MBOAT1: variants seen among roughly 807,000 people sequenced by gnomAD.
MBOAT1 encodes the protein membrane bound glycerophospholipid O-acyltransferase 1.
A neutral mutation model predicts 64.4 loss-of-function variants in MBOAT1; 67 were observed. The ratio of observed to expected loss-of-function variants is 1.04; its 90% CI spans 0.85 to 1.27. MBOAT1 has a LOEUF of 1.27. MBOAT1 is among the 50% of genes most tolerant of loss of function. MBOAT1 has a pLI of 0.00. For synonymous variants in MBOAT1, 229 were observed against 218.9 expected (o/e 1.05, Z -0.41); for missense variants, 563 against 604.6 (o/e 0.93, Z 0.72).
chr6:20,212,005 A>AC (rs1278813049), intron 1 of MBOAT1, 131 bp downstream of exon 1: 53 of 530,056 alleles, frequency 1.0e-4, no homozygotes, highest in East Asian at 1.1e-4. Flanking sequence ...CACACACACA[A>AC]AAACCAACTG....
chr6:20,151,451 A>T (rs999149543), intron 2 of MBOAT1, among the ~76,000 whole-genome samples, 189 bp from the exon 3 acceptor site: 1 of 152,280 alleles, frequency 6.6e-6, no homozygotes, highest in African/African-American at 2.4e-5. Flanking sequence ...ATGCTGTATC[A>T]TAACGACACA....
intron 11 of MBOAT1, among the ~76,000 whole-genome samples, chr6:20,111,879 T>TATATATACATATATATAC (rs1581396161): frequency 6.6e-4 from 50 of 75,926 alleles, no homozygotes; most frequent in East Asian, 3.0e-3. Flanking sequence ...CATATATATA[T>TATATATACATATATATAC]GTATATATAT....
intron 1 of MBOAT1, among the ~76,000 whole-genome samples, chr6:20,181,952 T>C (rs1762522700): frequency 6.6e-6 from 1 of 152,070 alleles, no homozygotes; most frequent in Admixed American, 6.6e-5. Context: ...GGCTCTAGAG[T>C]CGGAACAATT....
At chr6:20,202,808 T>C (rs931020004) in intron 1 of MBOAT1, among the ~76,000 whole-genome samples, 3 of 152,192 alleles carry the variant, frequency 2.0e-5, no homozygotes, top group African/African-American at 7.2e-5. Context: ...CTACTAGAAA[T>C]TGACATTAAT....
intron 12 of MBOAT1, among the ~76,000 whole-genome samples, chr6:20,106,463 C>T (rs1759959456): frequency 6.6e-6 from 1 of 152,018 alleles, no homozygotes; most frequent in Non-Finnish European, 1.5e-5. Context: ...CGCTCTGTCA[C>T]TCAAGCTGGA....
chr6:20,186,188 A>G (rs899666929), intron 1 of MBOAT1, among the ~76,000 whole-genome samples: 3 of 152,188 alleles, frequency 2.0e-5, no homozygotes, highest in Non-Finnish European at 4.4e-5. Flanking sequence ...CAATCAATCA[A>G]TCAGTCAGTC....
At chr6:20,195,286 G>A (rs1401727203) in intron 1 of MBOAT1, among the ~76,000 whole-genome samples, 1 of 152,050 alleles carries the variant, frequency 6.6e-6, no homozygotes, top group Non-Finnish European at 1.5e-5. Context: ...TTCCATAATC[G>A]AATGCTTTTT....
intron 4 of MBOAT1, among the ~76,000 whole-genome samples, chr6:20,137,438 C>G (rs929887254): frequency 6.6e-6 from 1 of 152,142 alleles, no homozygotes; most frequent in African/African-American, 2.4e-5. Flanking sequence ...TAAGTACCAG[C>G]TGTATTACAA....
chr6:20,148,972 G>A lies in MBOAT1; in HGVS notation c.323+2213C>T, dbSNP rs140498498. Among the ~76,000 whole-genome samples, 174 of 151,844 alleles carry A rather than the reference G, an allele frequency of 1.1e-3. No homozygotes were observed. In the Middle Eastern group the frequency reaches 0.014, roughly 12 times the overall value. ...AAAAATTAGCCAGGTGTAGTGGCAC[G>A]CGCCTGTAGTCCCAGCTACTCGGAA... On this transcript the variant is annotated intron_variant, in intron 3 of 12. Coordinates refer to ENST00000324607, the MANE Select transcript of MBOAT1 (RefSeq NM_001080480.3).
intron 5 of MBOAT1, 143 bp downstream of exon 5, chr6:20,131,001 T>C: frequency 1.5e-6 from 1 of 661,300 alleles, no homozygotes; most frequent in East Asian, 2.7e-5. Context: ...AGGCTATGAT[T>C]GCCGAGGCCT....
At chr6:20,141,365 T>C (rs202016476) in intron 4 of MBOAT1, among the ~76,000 whole-genome samples, 36 of 98,158 alleles carry the variant, frequency 3.7e-4, no homozygotes, top group East Asian at 2.4e-3. Context: ...TTTTCTTTTT[T>C]TTTTTTTTTT....
chr6:20,171,059 G>C (rs1267567478), intron 1 of MBOAT1, among the ~76,000 whole-genome samples: 1 of 152,068 alleles, frequency 6.6e-6, no homozygotes, highest in Admixed American at 6.5e-5. Context: ...TATTCTGTAG[G>C]AAATATAGTT....
In MBOAT1 at chr6:20,212,123, G is replaced by A. The variant is rs1028530799; in HGVS notation, c.99+13C>T. The A allele has an allele frequency of 2.5e-6, 4 of 1,612,018 alleles. No homozygotes were observed. Among genetic ancestry groups the A allele is most frequent in the Non-Finnish European group, 3.4e-6 (4 of 1,179,100 alleles). On this transcript the variant is annotated intron_variant, in intron 1 of 12. Transcript: ENST00000324607. ...GGGGAGCTGGGGTCGCTGCGCTCCCGGCCTGCAGTTACCTGGTCCAGCGGG... is the reference window on the plus strand; with the variant it reads ...GGGGAGCTGGGGTCGCTGCGCTCCCAGCCTGCAGTTACCTGGTCCAGCGGG...
chr6:20,167,571 GTGTT>G (rs1477689106), intron 1 of MBOAT1, among the ~76,000 whole-genome samples: 4 of 152,196 alleles, frequency 2.6e-5, no homozygotes. Context: ...ACGTTTCTAA[GTGTT>G]TGTTATAAAA....
chr6:20,133,368 C>T (rs974072794), intron 4 of MBOAT1, among the ~76,000 whole-genome samples: 1 of 152,194 alleles, frequency 6.6e-6, no homozygotes, highest in African/African-American at 2.4e-5. Context: ...ATAAGGGCTA[C>T]ATTAAAGCTT....
At chr6:20,120,006 C>CGCGT (rs1554116217) in intron 8 of MBOAT1, among the ~76,000 whole-genome samples, 1 of 150,628 alleles carries the variant, frequency 6.6e-6, no homozygotes, top group African/African-American at 2.4e-5. Flanking sequence ...TGTGTGTGTG[C>CGCGT]GTGTGTGTGT....
chr6:20,162,037 T>C (rs1416513958), intron 1 of MBOAT1, among the ~76,000 whole-genome samples: 1 of 152,180 alleles, frequency 6.6e-6, no homozygotes, highest in African/African-American at 2.4e-5. Context: ...TGTGTGTGTG[T>C]CTGTGTCCTA....
chr6:20,168,786 G>T, intron 1 of MBOAT1, among the ~76,000 whole-genome samples: 1 of 107,704 alleles, frequency 9.3e-6, no homozygotes, highest in Non-Finnish European at 1.9e-5. Context: ...GGGAAGGGAA[G>T]GGAAGGGAAA....
At chr6:20,115,583 A>G (rs1359405318) in intron 9 of MBOAT1, among the ~76,000 whole-genome samples, 1 of 152,056 alleles carries the variant, frequency 6.6e-6, no homozygotes, top group Non-Finnish European at 1.5e-5. Context: ...TTCAACATGT[A>G]TTTTCAAATT....
Sources: gnomAD v4.1 joint callset for allele counts (sites outside exome capture counted in the v4.1 genomes callset) on GRCh38, gnomAD v4.1.1 for gene constraint, MANE v1.5 for transcripts, NCBI Gene and HGNC (gene_info 2026-07-23, HGNC 2026-07-21) for gene names.